Variants in CCSER1 observed in about 807,000 individuals in gnomAD.
CCSER1 encodes coiled-coil serine rich protein 1, also known as serine-rich coiled-coil domain-containing protein 1.
A neutral mutation model predicts 82.0 loss-of-function variants in CCSER1; 41 were observed. The ratio of observed to expected loss-of-function variants is 0.50; its 90% confidence interval spans 0.39 to 0.65. The LOEUF (loss-of-function observed/expected upper bound fraction) is 0.65. Ranked by LOEUF, CCSER1 falls within the 30% of genes least tolerant of loss-of-function variation. The pLI, the probability that CCSER1 is intolerant of heterozygous loss-of-function variation, is 0.00. For synonymous variants in CCSER1, 414 were observed against 383.9 expected, an observed-to-expected ratio of 1.08 and a Z score of -0.92; for missense variants, 1,119 against 1,064.2, an observed-to-expected ratio of 1.05 and a Z score of -0.72.
chr4:90,947,317 C>A (rs115346778), intron 9 of CCSER1, among the ~76,000 whole-genome samples: 2,739 of 152,160 alleles, frequency 0.018, 84 homozygotes, highest in African/African-American at 0.062. Context: ...GTTACTGACA[C>A]GAAATATCTT....
intron 7 of CCSER1, among the ~76,000 whole-genome samples, chr4:90,808,685 T>C (rs1038179243): frequency 3.3e-5 from 5 of 152,084 alleles, no homozygotes; most frequent in African/African-American, 4.8e-5. Flanking sequence ...AAAACCACAA[T>C]GAGATGTCAC....
chr4:90,535,172 T>G (rs937112976), intron 5 of CCSER1, among the ~76,000 whole-genome samples: 1 of 152,156 alleles, frequency 6.6e-6, no homozygotes, highest in East Asian at 1.9e-4. Flanking sequence ...AAAATAGATA[T>G]CTAGAACCTA....
At chr4:90,181,231 A>G (rs900277974) in intron 1 of CCSER1, among the ~76,000 whole-genome samples, 3 of 152,170 alleles carry the variant, frequency 2.0e-5, no homozygotes, top group African/African-American at 7.2e-5. Context: ...GGAAGAAAAA[A>G]AAGGAATTTC....
intron 1 of CCSER1, among the ~76,000 whole-genome samples, chr4:90,246,541 T>A (rs968254781): frequency 6.6e-6 from 1 of 152,146 alleles, no homozygotes; most frequent in Non-Finnish European, 1.5e-5. Context: ...GGAACTCTTT[T>A]TCTCCTGTTC....
intron 10 of CCSER1, among the ~76,000 whole-genome samples, chr4:91,149,378 G>A (rs1008453931): frequency 7.2e-5 from 11 of 152,138 alleles, no homozygotes; most frequent in Non-Finnish European, 1.6e-4. Flanking sequence ...CTGGAAATTA[G>A]CCCTTTGTCA....
intron 10 of CCSER1, among the ~76,000 whole-genome samples, chr4:91,317,253 T>C (rs1167874370): frequency 6.6e-6 from 1 of 152,012 alleles, no homozygotes; most frequent in Non-Finnish European, 1.5e-5. Flanking sequence ...CCTACCAGTC[T>C]CTCAGCAATA....
intron 10 of CCSER1, among the ~76,000 whole-genome samples, chr4:91,198,666 G>A (rs961541671): frequency 1.3e-5 from 2 of 152,048 alleles, no homozygotes; most frequent in African/African-American, 4.8e-5. Flanking sequence ...GAAGTCAGGG[G>A]ATACATATAG....
chr4:90,847,849 A>G (rs1340549964), intron 8 of CCSER1, among the ~76,000 whole-genome samples: 19 of 152,042 alleles, frequency 1.2e-4, no homozygotes, highest in Non-Finnish European at 1.3e-4. Context: ...ACTTTTTGCT[A>G]TAGATATGCA....
intron 10 of CCSER1, among the ~76,000 whole-genome samples, chr4:91,237,131 T>C (rs2149125253): frequency 6.6e-6 from 1 of 152,280 alleles, no homozygotes; most frequent in Non-Finnish European, 1.5e-5. Context: ...CAATCAATCA[T>C]CTTTTTTCAT....
At chr4:91,542,533 T>C (rs1761658771) in intron 10 of CCSER1, among the ~76,000 whole-genome samples, 1 of 152,130 alleles carries the variant, frequency 6.6e-6, no homozygotes, top group South Asian at 2.1e-4. Context: ...AAGAACATCT[T>C]TATTTCTGCC....
intron 9 of CCSER1, among the ~76,000 whole-genome samples, chr4:91,028,362 A>G (rs1448160047): frequency 6.6e-6 from 1 of 151,942 alleles, no homozygotes; most frequent in Non-Finnish European, 1.5e-5. Flanking sequence ...ATCAAATCAT[A>G]TGTTCATGTG....
intron 6 of CCSER1, among the ~76,000 whole-genome samples, chr4:90,660,493 T>C (rs1730568618): frequency 6.6e-6 from 1 of 152,122 alleles, no homozygotes; most frequent in African/African-American, 2.4e-5. Flanking sequence ...TCATAACATT[T>C]CAAATTGATA....
At chr4:90,662,094 G>A (rs957924445) in intron 6 of CCSER1, among the ~76,000 whole-genome samples, 1 of 151,628 alleles carries the variant, frequency 6.6e-6, no homozygotes, top group African/African-American at 2.4e-5. Context: ...CGCCTCCCAG[G>A]TTCACGTGAT....
At chr4:91,404,197 G>A (rs562668905) in intron 10 of CCSER1, among the ~76,000 whole-genome samples, 1 of 152,184 alleles carries the variant, frequency 6.6e-6, no homozygotes, top group African/African-American at 2.4e-5. Flanking sequence ...GGTGTTTATA[G>A]TATTCCCTGA....
chr4:90,912,896 A>C (rs1174863708), intron 8 of CCSER1, among the ~76,000 whole-genome samples: 2 of 152,236 alleles, frequency 1.3e-5, no homozygotes, highest in African/African-American at 4.8e-5. Flanking sequence ...CAGTGATGGA[A>C]GATCAAATGA....
intron 10 of CCSER1, among the ~76,000 whole-genome samples, chr4:91,346,124 A>G (rs1748037208): frequency 6.6e-6 from 1 of 151,380 alleles, no homozygotes; most frequent in South Asian, 2.1e-4. Context: ...CCCGGGTTCA[A>G]TCCATTTTCC....
intron 7 of CCSER1, among the ~76,000 whole-genome samples, chr4:90,738,200 A>G (rs1745970070): frequency 6.6e-6 from 1 of 152,010 alleles, no homozygotes; most frequent in South Asian, 2.1e-4. Context: ...AGAGTTAGGT[A>G]TTTATTGTAG....
At chr4:90,991,156 CT>C (rs914683764) in intron 9 of CCSER1, among the ~76,000 whole-genome samples, 23 of 147,386 alleles carry the variant, frequency 1.6e-4, no homozygotes, top group Admixed American at 3.4e-4. Flanking sequence ...CTTCAGGTCT[CT>C]TTTTTTTTTA....
At chr4:90,746,705 T>TG (rs1176991688) in intron 7 of CCSER1, among the ~76,000 whole-genome samples, 1 of 152,224 alleles carries the variant, frequency 6.6e-6, no homozygotes, top group African/African-American at 2.4e-5. Flanking sequence ...ACTGCCTATT[T>TG]GGGTTTATAA....
Sources: allele counts gnomAD v4.1 joint callset (sites outside exome capture counted in the v4.1 genomes callset), GRCh38; gene constraint gnomAD v4.1.1; transcripts MANE v1.5; gene names NCBI Gene and HGNC (gene_info 2026-07-23, HGNC 2026-07-21).